SOS2: variants seen among roughly 807,000 people sequenced by gnomAD.
SOS2 encodes son of sevenless homolog 2.
SOS2 carries 65 observed loss-of-function variants against 148.2 expected under a neutral mutation model. The observed-to-expected ratio is 0.44, with a 90% confidence interval of 0.36 to 0.54. The LOEUF (loss-of-function observed/expected upper bound fraction) is 0.54, where lower values mean the gene tolerates loss of function less well. SOS2 is among the 20% of genes least tolerant of loss of function. The pLI is 0.00. For missense variants in SOS2, 1,341 were observed against 1,590.2 expected (o/e 0.84, Z 2.67); for synonymous variants, 539 against 537.1 (o/e 1.00, Z -0.05).
chr14:50,123,077 A>G (rs1883572193), intron 21 of SOS2, among the ~76,000 whole-genome samples: 1 of 152,112 alleles, frequency 6.6e-6, no homozygotes, highest in South Asian at 2.1e-4. Context: ...AGGGGTATAG[A>G]AAGAGGTGGG....
intron 7 of SOS2, among the ~76,000 whole-genome samples, chr14:50,175,683 A>G (rs937331964): frequency 7.9e-5 from 12 of 152,096 alleles, no homozygotes; most frequent in Non-Finnish European, 1.2e-4. Context: ...ACTACTGTAG[A>G]ATAAATGGTT....
intron 8 of SOS2, among the ~76,000 whole-genome samples, chr14:50,167,020 C>T (rs73285504): frequency 0.016 from 2,474 of 151,954 alleles, 66 homozygotes; most frequent in African/African-American, 0.057. Flanking sequence ...TCAGCTTGGG[C>T]AACATAGCGA....
At chr14:50,211,058 A>AT (rs1257544282) in intron 1 of SOS2, among the ~76,000 whole-genome samples, 1 of 152,070 alleles carries the variant, frequency 6.6e-6, no homozygotes, top group African/African-American at 2.4e-5. Flanking sequence ...TTCAGGATAG[A>AT]TTTACATATA....
intron 1 of SOS2, among the ~76,000 whole-genome samples, chr14:50,216,101 G>GTT (rs60210250): frequency 3.6e-5 from 5 of 139,116 alleles, no homozygotes; most frequent in Non-Finnish European, 6.3e-5. Flanking sequence ...GGTTTTTTTT[G>GTT]TTTTTTTTTT....
At chr14:50,189,854 T>A (rs76829779) in intron 4 of SOS2, among the ~76,000 whole-genome samples, 1 of 122,502 alleles carries the variant, frequency 8.2e-6, no homozygotes. Flanking sequence ...TTTTTTATTT[T>A]TTTTTTTTTT....
chr14:50,224,362 C>CAT (rs1357851620), intron 1 of SOS2, among the ~76,000 whole-genome samples: 3 of 101,394 alleles, frequency 3.0e-5, no homozygotes, highest in Admixed American at 1.0e-4. Flanking sequence ...CACACACACA[C>CAT]ACATATATAT....
chr14:50,231,134 C>T (rs1887530843), intron 1 of SOS2, 63 bp downstream of exon 1: 1 of 1,040,898 alleles, frequency 9.6e-7, no homozygotes, highest in Non-Finnish European at 1.3e-6. Flanking sequence ...GGACGACCTG[C>T]TCCCCGTTAG....
chr14:50,182,758 C>A, intron 5 of SOS2, 152 bp from the exon 6 acceptor site: 3 of 618,780 alleles, frequency 4.8e-6, no homozygotes, highest in Non-Finnish European at 5.6e-6. Flanking sequence ...CTGCTGTACG[C>A]TGCCGCTTCA....
At chr14:50,210,385 T>A (rs571922739) in intron 1 of SOS2, among the ~76,000 whole-genome samples, 62 of 152,218 alleles carry the variant, frequency 4.1e-4, no homozygotes, top group African/African-American at 1.4e-3. Flanking sequence ...TACCCAAAAA[T>A]CAATCCTAGC....
At chr14:50,157,525 A>T (rs1444125524) in intron 11 of SOS2, among the ~76,000 whole-genome samples, 1 of 152,160 alleles carries the variant, frequency 6.6e-6, no homozygotes, top group Non-Finnish European at 1.5e-5. Flanking sequence ...CGAATATTTA[A>T]CAATATTTAA....
chr14:50,178,729 C>CATAT (rs763954421), intron 7 of SOS2, among the ~76,000 whole-genome samples: 894 of 25,156 alleles, frequency 0.036, 22 homozygotes, highest in East Asian at 0.093. Context: ...TATACACACA[C>CATAT]ATATATATAT....
At chr14:50,208,186 A>C (rs1886736118) in intron 1 of SOS2, among the ~76,000 whole-genome samples, 1 of 152,086 alleles carries the variant, frequency 6.6e-6, no homozygotes, top group Admixed American at 6.6e-5. Flanking sequence ...AGTCCCAGAT[A>C]CTTGGGAGGC....
chr14:50,201,337 G>A (rs1486103616), intron 2 of SOS2, among the ~76,000 whole-genome samples: 1 of 151,912 alleles, frequency 6.6e-6, no homozygotes, highest in Non-Finnish European at 1.5e-5. Flanking sequence ...GTTTAGACCA[G>A]CCAGGCAACA....
At chr14:50,164,698 T>C (rs1885117154) in intron 8 of SOS2, among the ~76,000 whole-genome samples, 2 of 152,040 alleles carry the variant, frequency 1.3e-5, no homozygotes, top group African/African-American at 4.8e-5. Context: ...ACAAGTAATG[T>C]ACTTTCATGC....
intron 3 of SOS2, 118 bp downstream of exon 3, chr14:50,200,834 TG>T: frequency 1.3e-6 from 1 of 782,098 alleles, no homozygotes; most frequent in Non-Finnish European, 2.1e-6. Flanking sequence ...AGCATACATA[TG>T]GAAGTGCACA....
rs149194867 is a variant in SOS2, at chr14:50,210,635, T to G, written c.88-6226A>C. Among the ~76,000 whole-genome samples, 33 of 151,994 alleles carry G rather than the reference T, an allele frequency of 2.2e-4. 1 individual carries two copies. Among genetic ancestry groups the G allele is most frequent in the African/African-American group, 4.1e-4 (17 of 41,464 alleles). On this transcript the variant is annotated intron_variant, in intron 1 of 22. Coordinates refer to ENST00000216373, the MANE Select transcript of SOS2 (RefSeq NM_006939.4). ...AGTTGGAGAAGATATATGTAGTACATGTAACAAAAGGCTCATATCTAGAAT... is the reference window on the plus strand; with the variant it reads ...AGTTGGAGAAGATATATGTAGTACAGGTAACAAAAGGCTCATATCTAGAAT...
rs530518127 is a variant in SOS2 at position 50,157,526 on chromosome 14, C to A, written c.1935-405G>T. 1.8e-3 allele frequency among the ~76,000 whole-genome samples: 277 copies of A among 152,014 alleles called. 2 individuals are homozygous for A. The highest frequency in any genetic ancestry group is 6.1e-3 in the African/African-American group (255 of 41,504). On this transcript the variant is annotated intron_variant, in intron 11 of 22. Transcript: ENST00000216373. ...GAGAGGGCCAAAACCGAATATTTAACAATATTTAAATAATTTACCTAAGTG... is the reference window on the plus strand; with the variant it reads ...GAGAGGGCCAAAACCGAATATTTAAAAATATTTAAATAATTTACCTAAGTG...
intron 21 of SOS2, among the ~76,000 whole-genome samples, chr14:50,129,246 G>A (rs1314205093): frequency 6.6e-6 from 1 of 152,092 alleles, no homozygotes; most frequent in East Asian, 1.9e-4. Flanking sequence ...GGATATCCCG[G>A]GAACCTGATA....
In SOS2 at chr14:50,227,308, G is replaced by C. The variant is rs184378915; in HGVS notation, c.87+3889C>G. On this transcript the variant is annotated intron_variant, in intron 1 of 22. Transcript: ENST00000216373. ...CGCCCAGGCTGGAGTGCAGTGGTGC[G>C]ATCTCAGCCCACTCTAACCTCTGCC... is the stretch of plus-strand genomic sequence containing the variant. Among the ~76,000 whole-genome samples the C allele has an allele frequency of 2.1e-3, 303 of 143,590 alleles. 3 individuals carry two copies. Among genetic ancestry groups the C allele is most frequent in the African/African-American group, 7.2e-3 (278 of 38,436 alleles). The allele number at this position is 143,590 out of a possible 152,430, so 94.2% of individuals were successfully genotyped here. A position where few individuals can be genotyped will look rare whatever the true frequency, so the allele number is the denominator to read the frequency against.
Sources: allele counts gnomAD v4.1 joint callset (sites outside exome capture counted in the v4.1 genomes callset), GRCh38; gene constraint gnomAD v4.1.1; transcripts MANE v1.5; gene names NCBI Gene and HGNC (gene_info 2026-07-23, HGNC 2026-07-21).